The following LRFN5 variants were observed in gnomAD, a reference collection of about 807,000 sequenced individuals.
LRFN5 encodes leucine rich repeat and fibronectin type III domain containing 5.
A neutral mutation model predicts 45.6 loss-of-function variants in LRFN5; 24 were observed. That is an observed-to-expected ratio of 0.53 (90% CI 0.38 to 0.74). The LOEUF is 0.74. LRFN5 is among the 30% of genes least tolerant of loss of function. LRFN5 has a pLI of 0.00. For missense variants in LRFN5, 776 were observed against 861.5 expected (o/e 0.90, Z 1.24); for synonymous variants, 340 against 313.8 (o/e 1.08, Z -0.88).
intron 1 of LRFN5, among the ~76,000 whole-genome samples, chr14:41,709,403 T>C (rs1427926536): frequency 6.6e-6 from 1 of 152,032 alleles, no homozygotes; most frequent in Non-Finnish European, 1.5e-5. Context: ...TTCTGTTATA[T>C]TTTTGAGGAC....
At chr14:41,654,665 A>C (rs1024275645) in intron 1 of LRFN5, among the ~76,000 whole-genome samples, 1 of 152,064 alleles carries the variant, frequency 6.6e-6, no homozygotes, top group Non-Finnish European at 1.5e-5. Context: ...ATTGTGTCAA[A>C]TTTTATTGCA....
chr14:41,759,039 A>G (rs566542822), intron 1 of LRFN5, among the ~76,000 whole-genome samples: 1 of 152,232 alleles, frequency 6.6e-6, no homozygotes, highest in African/African-American at 2.4e-5. Context: ...GACCTCAAAG[A>G]GCTTACAGGC....
intron 1 of LRFN5, among the ~76,000 whole-genome samples, chr14:41,742,193 G>A (rs72686548): frequency 0.13 from 19,976 of 151,608 alleles, 1,686 homozygotes; most frequent in Admixed American, 0.18. Flanking sequence ...AAATCAGCAT[G>A]TGAACGAGAT....
At chr14:41,704,031 T>G (rs777060070) in intron 1 of LRFN5, among the ~76,000 whole-genome samples, 8 of 152,158 alleles carry the variant, frequency 5.3e-5, no homozygotes, top group Non-Finnish European at 1.2e-4. Context: ...CAATATGACC[T>G]TCTATATTCT....
chr14:41,735,870 C>T (rs906280917), intron 1 of LRFN5, among the ~76,000 whole-genome samples: 13 of 151,900 alleles, frequency 8.6e-5, no homozygotes, highest in African/African-American at 2.9e-4. Flanking sequence ...GATTTCTGTT[C>T]CTGTGTTAGT....
At chr14:41,727,728 A>G (rs1883997769) in intron 1 of LRFN5, among the ~76,000 whole-genome samples, 2 of 152,200 alleles carry the variant, frequency 1.3e-5, no homozygotes, top group South Asian at 4.1e-4. Flanking sequence ...ACAAATAAAT[A>G]GAAACAATTT....
chr14:41,893,924 T>C lies in LRFN5; in HGVS notation c.2098+1962T>C, dbSNP rs7144767. ...GATGAGGTCACATGTGGTCGTAGTT[T>C]GCGAAATCAAAAGCAGCACTCAGAG... On this transcript the variant is annotated intron_variant, in intron 4 of 5. Coordinates refer to ENST00000298119, the MANE Select transcript of LRFN5 (RefSeq NM_152447.5). 2,261 of 985,318 alleles carry C rather than the reference T, an allele frequency of 2.3e-3. 41 individuals are homozygous for C. In the African/African-American group the frequency reaches 0.037, roughly 16 times the overall value. 61.0% of individuals were successfully genotyped at this position (985,318 alleles called of 1,614,324 possible). A position where few individuals can be genotyped will look rare whatever the true frequency, so the allele number is the denominator to read the frequency against.
At chr14:41,749,585 A>C (rs1885048104) in intron 1 of LRFN5, among the ~76,000 whole-genome samples, 1 of 152,154 alleles carries the variant, frequency 6.6e-6, no homozygotes, top group Non-Finnish European at 1.5e-5. Context: ...CAAATACTGC[A>C]CGCTCTCACT....
chr14:41,802,168 T>C (rs1358162419), intron 2 of LRFN5, among the ~76,000 whole-genome samples: 1 of 152,146 alleles, frequency 6.6e-6, no homozygotes, highest in Non-Finnish European at 1.5e-5. Flanking sequence ...GTTAAAGCAG[T>C]AAATATGGAT....
chr14:41,689,412 AAG>A (rs1421382571), intron 1 of LRFN5, among the ~76,000 whole-genome samples: 8 of 152,278 alleles, frequency 5.3e-5, no homozygotes, highest in Non-Finnish European at 1.2e-4. Flanking sequence ...ACAGAAACAA[AAG>A]AGAGAAAATC....
chr14:41,766,421 A>G (rs1885886006), intron 1 of LRFN5, among the ~76,000 whole-genome samples: 1 of 152,192 alleles, frequency 6.6e-6, no homozygotes, highest in African/African-American at 2.4e-5. Flanking sequence ...ACATAAGACT[A>G]TTAGTTTAAT....
intron 4 of LRFN5, among the ~76,000 whole-genome samples, chr14:41,898,488 T>C (rs1445971332): frequency 1.3e-5 from 2 of 152,062 alleles, no homozygotes; most frequent in Admixed American, 6.6e-5. Flanking sequence ...ATGGTGAACA[T>C]AGTTAAACTA....
At chr14:41,781,620 A>AAGAAAGAGAG (rs1555317558) in intron 2 of LRFN5, among the ~76,000 whole-genome samples, 3 of 99,720 alleles carry the variant, frequency 3.0e-5, no homozygotes, top group Non-Finnish European at 6.1e-5. Flanking sequence ...AAGAAAGAGA[A>AAGAAAGAGAG]AGAAAGAAAG....
chr14:41,675,003 T>A (rs1322371491), intron 1 of LRFN5, among the ~76,000 whole-genome samples: 1 of 131,674 alleles, frequency 7.6e-6, no homozygotes, highest in Non-Finnish European at 1.6e-5. Flanking sequence ...TCTCAGACGA[T>A]GGGCGGCCGG....
chr14:41,833,467 T>C (rs1390081075), intron 2 of LRFN5, among the ~76,000 whole-genome samples: 1 of 152,206 alleles, frequency 6.6e-6, no homozygotes, highest in Non-Finnish European at 1.5e-5. Flanking sequence ...TATTAGCCAC[T>C]ACACATGAGT....
chr14:41,705,231 G>A (rs771932506), intron 1 of LRFN5, among the ~76,000 whole-genome samples: 16 of 152,048 alleles, frequency 1.1e-4, no homozygotes, highest in East Asian at 3.9e-4. Context: ...ACTACTCTGC[G>A]CAGTGCTATG....
intron 2 of LRFN5, among the ~76,000 whole-genome samples, chr14:41,812,998 A>C (rs1014260762): frequency 3.3e-5 from 5 of 152,164 alleles, no homozygotes; most frequent in African/African-American, 1.2e-4. Context: ...CTAACTGCAT[A>C]GAAAATATAG....
intron 1 of LRFN5, among the ~76,000 whole-genome samples, chr14:41,650,266 C>CACACAA (rs1247683262): frequency 4.4e-4 from 60 of 135,530 alleles, no homozygotes; most frequent in African/African-American, 1.5e-3. Flanking sequence ...CACACACACA[C>CACACAA]AAAAAAAAAA....
chr14:41,627,682 A>G (rs990519389), intron 1 of LRFN5, among the ~76,000 whole-genome samples: 1 of 152,170 alleles, frequency 6.6e-6, no homozygotes, highest in Non-Finnish European at 1.5e-5. Context: ...ATATATAGAT[A>G]TCTCTATGTT....
Sources: gnomAD v4.1 joint callset for allele counts (sites outside exome capture counted in the v4.1 genomes callset) on GRCh38, gnomAD v4.1.1 for gene constraint, MANE v1.5 for transcripts, NCBI Gene and HGNC (gene_info 2026-07-23, HGNC 2026-07-21) for gene names.